Variants in GPC5 observed in about 807,000 individuals in gnomAD.
GPC5 encodes glypican 5.
GPC5 carries 47 observed loss-of-function variants against 53.9 expected under a neutral mutation model. That is an observed-to-expected ratio of 0.87 (90% confidence interval 0.69 to 1.11). The LOEUF (loss-of-function observed/expected upper bound fraction) is 1.11, where lower values mean the gene tolerates loss of function less well. GPC5 is among the 50% of genes most tolerant of loss of function. GPC5 has a pLI of 0.00. For synonymous variants in GPC5, 286 were observed against 263.3 expected (o/e 1.09, Z -0.84); for missense variants, 748 against 713.1 (o/e 1.05, Z -0.56).
chr13:92,528,718 T>C (rs563437130), intron 7 of GPC5, among the ~76,000 whole-genome samples: 1 of 152,172 alleles, frequency 6.6e-6, no homozygotes, highest in South Asian at 2.1e-4. Context: ...ATAAGGTAAA[T>C]GTTCAAGTGT....
chr13:92,480,780 A>G (rs1174363854), intron 7 of GPC5, among the ~76,000 whole-genome samples: 9 of 151,894 alleles, frequency 5.9e-5, no homozygotes, highest in Non-Finnish European at 1.2e-4. Context: ...ATGTGATTAA[A>G]TTAAGGATCT....
At chr13:91,899,505 T>C (rs1227111098) in intron 5 of GPC5, among the ~76,000 whole-genome samples, 1 of 152,146 alleles carries the variant, frequency 6.6e-6, no homozygotes, top group African/African-American at 2.4e-5. Context: ...TTCATTCAGG[T>C]AGTTTCCAGA....
intron 7 of GPC5, among the ~76,000 whole-genome samples, chr13:92,751,303 T>TGAAAAAAAAAAAAAAAA (rs763038122): frequency 2.6e-5 from 1 of 38,768 alleles, no homozygotes; most frequent in Non-Finnish European, 5.3e-5. Flanking sequence ...CAGAAACATT[T>TGAAAAAAAAAAAAAAAA]AAAAAAAAAA....
chr13:92,528,058 T>A (rs1025674496), intron 7 of GPC5, among the ~76,000 whole-genome samples: 2 of 152,050 alleles, frequency 1.3e-5, no homozygotes. Flanking sequence ...AGGAAAAAAA[T>A]GATTGAAATA....
intron 7 of GPC5, among the ~76,000 whole-genome samples, chr13:92,434,708 G>A (rs889979826): frequency 3.9e-5 from 6 of 152,152 alleles, no homozygotes; most frequent in African/African-American, 1.4e-4. Flanking sequence ...AAATATCTGT[G>A]TCAAGCCCCT....
intron 5 of GPC5, among the ~76,000 whole-genome samples, chr13:91,894,691 T>G (rs1429294987): frequency 6.6e-6 from 1 of 152,172 alleles, no homozygotes; most frequent in African/African-American, 2.4e-5. Context: ...TAGAATGTTT[T>G]GTTTTGTTCT....
chr13:91,505,288 A>C (rs979248602), intron 2 of GPC5, among the ~76,000 whole-genome samples: 1 of 152,220 alleles, frequency 6.6e-6, no homozygotes, highest in Non-Finnish European at 1.5e-5. Flanking sequence ...ATAGCGAGAT[A>C]TATCAAGAGA....
intron 3 of GPC5, 104 bp from the exon 4 acceptor site, chr13:91,728,428 G>C (rs761729479): frequency 4.8e-5 from 51 of 1,060,308 alleles, no homozygotes; most frequent in Non-Finnish European, 6.5e-5. Flanking sequence ...TAATATTGAG[G>C]TGAAAGCAAA....
chr13:92,587,297 A>T (rs1033260474), intron 7 of GPC5, among the ~76,000 whole-genome samples: 1 of 152,224 alleles, frequency 6.6e-6, no homozygotes, highest in Non-Finnish European at 1.5e-5. Context: ...ATAAATGATA[A>T]CACATATTAT....
chr13:92,267,813 C>T (rs1347026103), intron 7 of GPC5, among the ~76,000 whole-genome samples: 1 of 151,932 alleles, frequency 6.6e-6, no homozygotes, highest in African/African-American at 2.4e-5. Flanking sequence ...CTGACAGAGG[C>T]CAAATTAAAA....
Position 91,398,914 on chromosome 13 carries a change from G to C in GPC5, c.-133G>C, listed in dbSNP as rs940289323. On this transcript the variant is annotated 5_prime_UTR_variant, in exon 1 of 8. Coordinates refer to ENST00000377067, the MANE Select transcript of GPC5 (RefSeq NM_004466.6). ...CCAGGTGAAGCCGGTGCCCGCGGGCGGTCCGTACACCCCGCAGCCGGCTCG... is the reference window on the plus strand; with the variant it reads ...CCAGGTGAAGCCGGTGCCCGCGGGCCGTCCGTACACCCCGCAGCCGGCTCG... The C allele has an allele frequency of 1.1e-5, 12 of 1,129,702 alleles. No homozygotes were observed. Among genetic ancestry groups the C allele is most frequent in the African/African-American group, 1.6e-5 (1 of 62,358 alleles). The allele number at this position is 1,129,702 out of a possible 1,614,324, so 70.0% of individuals were successfully genotyped here. A position where few individuals can be genotyped will look rare whatever the true frequency, so the allele number is the denominator to read the frequency against.
intron 6 of GPC5, among the ~76,000 whole-genome samples, chr13:91,951,790 A>G (rs1217888826): frequency 6.6e-6 from 1 of 152,100 alleles, no homozygotes; most frequent in Non-Finnish European, 1.5e-5. Flanking sequence ...TAGAAAAGTA[A>G]TTCCGTTTTG....
intron 7 of GPC5, among the ~76,000 whole-genome samples, chr13:92,422,528 A>C (rs1045627303): frequency 0.02 from 2,834 of 142,166 alleles, 64 homozygotes; most frequent in African/African-American, 0.047. Flanking sequence ...ACACACACAC[A>C]CACAACTTCT....
intron 7 of GPC5, among the ~76,000 whole-genome samples, chr13:92,280,827 A>G (rs1419300214): frequency 6.6e-6 from 1 of 152,190 alleles, no homozygotes; most frequent in Non-Finnish European, 1.5e-5. Context: ...TGAGTGACAC[A>G]GAAGACGGGT....
chr13:91,579,617 T>C (rs1356241636), intron 2 of GPC5, among the ~76,000 whole-genome samples: 1 of 126,902 alleles, frequency 7.9e-6, no homozygotes, highest in Non-Finnish European at 1.6e-5. Flanking sequence ...TCTTTCTTTT[T>C]CTTTTTCTTT....
chr13:91,744,111 A>G (rs1430461049), intron 4 of GPC5, among the ~76,000 whole-genome samples: 1 of 152,156 alleles, frequency 6.6e-6, no homozygotes, highest in Non-Finnish European at 1.5e-5. Context: ...GGGTTTGTCT[A>G]CATTTTCCAA....
At chr13:91,788,668 T>C (rs1341590197) in intron 5 of GPC5, among the ~76,000 whole-genome samples, 1 of 152,198 alleles carries the variant, frequency 6.6e-6, no homozygotes, top group African/African-American at 2.4e-5. Context: ...TTCTAGGTTT[T>C]TAAAATTTGT....
intron 7 of GPC5, among the ~76,000 whole-genome samples, chr13:92,375,485 A>T (rs1177557521): frequency 6.6e-6 from 1 of 152,210 alleles, no homozygotes; most frequent in Non-Finnish European, 1.5e-5. Flanking sequence ...GTAAAACCTC[A>T]TGGAGAATAG....
At chr13:91,841,820 A>T (rs957496840) in intron 5 of GPC5, among the ~76,000 whole-genome samples, 3 of 152,222 alleles carry the variant, frequency 2.0e-5, no homozygotes, top group African/African-American at 7.2e-5. Context: ...AAACTATTTC[A>T]GTGAGTCTTG....
Sources: gnomAD v4.1 joint callset for allele counts (sites outside exome capture counted in the v4.1 genomes callset) on GRCh38, gnomAD v4.1.1 for gene constraint, MANE v1.5 for transcripts, NCBI Gene and HGNC (gene_info 2026-07-23, HGNC 2026-07-21) for gene names.